PSMA1: variants seen among roughly 807,000 people sequenced by gnomAD.
The protein encoded by PSMA1 is proteasome 20S subunit alpha 1, also known as proteasome subunit alpha type-1.
A neutral mutation model predicts 38.4 loss-of-function variants in PSMA1; 3 were observed. That is an observed-to-expected ratio of 0.08 (90% CI 0.04 to 0.20). The LOEUF is 0.20. Ranked by LOEUF, PSMA1 falls within the 10% of genes least tolerant of loss-of-function variation. PSMA1 has a pLI of 1.00. For missense variants in PSMA1, 227 were observed against 325.3 expected (o/e 0.70, Z 2.32); for synonymous variants, 101 against 107.1 (o/e 0.94, Z 0.35).
intron 1 of PSMA1, among the ~76,000 whole-genome samples, chr11:14,617,715 G>GTGTGTGTT (rs1432823446): frequency 3.3e-5 from 5 of 151,168 alleles, no homozygotes; most frequent in Admixed American, 1.3e-4. Flanking sequence ...GTGTGTGTGT[G>GTGTGTGTT]TGTGTGTATA....
At chr11:14,555,192 G>A (rs922757551) in intron 2 of PSMA1, among the ~76,000 whole-genome samples, 2 of 152,218 alleles carry the variant, frequency 1.3e-5, no homozygotes, top group Non-Finnish European at 2.9e-5. Flanking sequence ...TCCTGAGTAA[G>A]TGGTTTGTTT....
chr11:14,508,981 G>C (rs1851296565), intron 8 of PSMA1, among the ~76,000 whole-genome samples: 1 of 152,032 alleles, frequency 6.6e-6, no homozygotes, highest in South Asian at 2.1e-4. Context: ...TCCTCACAAT[G>C]CTTGTCTAAC....
rs367610062 is a variant in PSMA1, at chr11:14,514,068, C to T, written c.344-181G>A. ...ATAAAATGTTTGACTTTCTACCGAA[C>T]CTAAGAAAGAGTGCCAGCAAAATAA... is the stretch of plus-strand genomic sequence containing the variant. On this transcript the variant is annotated intron_variant, in intron 5 of 9. Coordinates refer to ENST00000396394, the MANE Select transcript of PSMA1 (RefSeq NM_002786.4). 4 of 1,321,998 alleles carry T rather than the reference C, an allele frequency of 3.0e-6. No individual in the cohort carries two copies. In the African/African-American group the frequency reaches 6.1e-5, roughly 20 times the overall value. The allele number at this position is 1,321,998 out of a possible 1,614,324, so 81.9% of individuals were successfully genotyped here.
intron 2 of PSMA1, among the ~76,000 whole-genome samples, chr11:14,599,928 G>A (rs1419200159): frequency 6.6e-6 from 1 of 152,006 alleles, no homozygotes; most frequent in South Asian, 2.1e-4. Flanking sequence ...GGGTTTTGGT[G>A]TAGATGACCT....
intron 2 of PSMA1, among the ~76,000 whole-genome samples, chr11:14,571,214 C>G (rs912042724): frequency 3.9e-5 from 6 of 152,282 alleles, no homozygotes; most frequent in African/African-American, 1.4e-4. Flanking sequence ...AGGAACCCAC[C>G]ACCACGCCCG....
At chr11:14,616,235 T>G (rs953142110) in intron 1 of PSMA1, among the ~76,000 whole-genome samples, 3 of 149,108 alleles carry the variant, frequency 2.0e-5, no homozygotes, top group African/African-American at 7.4e-5. Context: ...CCAACAGTTT[T>G]TTTTTTTTTT....
intron 1 of PSMA1, among the ~76,000 whole-genome samples, chr11:14,633,505 C>G (rs1305456354): frequency 6.6e-6 from 1 of 152,028 alleles, no homozygotes; most frequent in African/African-American, 2.4e-5. Flanking sequence ...TCTCAGATCT[C>G]CAGCTGCGTG....
At chr11:14,552,272 T>C (rs1280669019) in intron 2 of PSMA1, among the ~76,000 whole-genome samples, 1 of 152,176 alleles carries the variant, frequency 6.6e-6, no homozygotes, top group Non-Finnish European at 1.5e-5. Flanking sequence ...TCTCTACTCC[T>C]GAGAGTGCCC....
intron 2 of PSMA1, among the ~76,000 whole-genome samples, chr11:14,533,464 C>A (rs1851670588): frequency 6.6e-6 from 1 of 152,202 alleles, no homozygotes; most frequent in Non-Finnish European, 1.5e-5. Flanking sequence ...CCCCATGTGG[C>A]TTTCCTCTTT....
intron 2 of PSMA1, among the ~76,000 whole-genome samples, chr11:14,544,213 G>A (rs34235603): frequency 2.9e-3 from 448 of 152,082 alleles, no homozygotes; most frequent in Non-Finnish European, 5.4e-3. Flanking sequence ...TATTTTTTGC[G>A]GAGACAAGGT....
intron 1 of PSMA1, among the ~76,000 whole-genome samples, chr11:14,630,712 A>G (rs1852992198): frequency 1.3e-5 from 2 of 151,428 alleles, no homozygotes; most frequent in Admixed American, 6.6e-5. Flanking sequence ...CTCTTTTTCT[A>G]TTGATTGGAA....
At chr11:14,560,814 C>A (rs559697385) in intron 2 of PSMA1, among the ~76,000 whole-genome samples, 12 of 152,106 alleles carry the variant, frequency 7.9e-5, no homozygotes, top group Non-Finnish European at 1.6e-4. Flanking sequence ...GTTGCACCTG[C>A]AGAAGGCGAT....
At chr11:14,551,538 C>CAA (rs969186913) in intron 2 of PSMA1, among the ~76,000 whole-genome samples, 5 of 152,152 alleles carry the variant, frequency 3.3e-5, no homozygotes, top group African/African-American at 1.2e-4. Context: ...CCCAGCCAGC[C>CAA]AAATGCCTCT....
At chr11:14,542,305 A>C (rs879326169) in intron 2 of PSMA1, among the ~76,000 whole-genome samples, 1 of 152,120 alleles carries the variant, frequency 6.6e-6, no homozygotes, top group Non-Finnish European at 1.5e-5. Context: ...TCCTCCTGCT[A>C]ATTTTGTACA....
At chr11:14,632,899 G>A (rs1374640295) in intron 1 of PSMA1, among the ~76,000 whole-genome samples, 3 of 150,648 alleles carry the variant, frequency 2.0e-5, no homozygotes, top group South Asian at 2.1e-4. Flanking sequence ...ATCTTCCATC[G>A]CTGATACCCT....
At chr11:14,510,394 G>T (rs922050299) in intron 8 of PSMA1, among the ~76,000 whole-genome samples, 1 of 151,844 alleles carries the variant, frequency 6.6e-6, no homozygotes, top group Non-Finnish European at 1.5e-5. Context: ...ACATCCAATT[G>T]GTCATTCTTT....
rs759659305 is a variant in PSMA1 at position 14,534,819 on chromosome 11, C to T, written c.22-15778G>A. ...ATAGGAGGCCAGGTGCGGTGGCTCA[C>T]GCCTGTAATCCCAGCACTTTGGGAG... On this transcript the variant is annotated intron_variant, in intron 2 of 10. Transcript: ENST00000418988. The surrounding 1 kb of genome is among the most constrained non-coding windows in gnomAD (Gnocchi z 4.5). 3.3e-5 allele frequency among the ~76,000 whole-genome samples: 5 copies of T among 152,162 alleles called. No individual in the cohort carries two copies. Among genetic ancestry groups the T allele is most frequent in the African/African-American group, 7.2e-5 (3 of 41,424 alleles).
chr11:14,519,297 C>T (rs1702227576), intron 1 of PSMA1: 5 of 527,362 alleles, frequency 9.5e-6, no homozygotes, highest in South Asian at 1.6e-5. Context: ...ATATCAACCC[C>T]TTTAGGCTCA....
intron 2 of PSMA1, among the ~76,000 whole-genome samples, chr11:14,596,670 T>C (rs1852498880): frequency 6.6e-6 from 1 of 152,234 alleles, no homozygotes; most frequent in Non-Finnish European, 1.5e-5. Flanking sequence ...TTTCTAAATA[T>C]ACAATCATGT....
Sources: gnomAD v4.1 joint callset for allele counts (sites outside exome capture counted in the v4.1 genomes callset) on GRCh38, gnomAD v4.1.1 for gene constraint, Gnocchi (gnomAD v3.1) non-coding constraint, MANE v1.5 for transcripts, NCBI Gene and HGNC (gene_info 2026-07-23, HGNC 2026-07-21) for gene names.